Variants in EDIL3 observed in about 807,000 individuals in gnomAD.
EDIL3 encodes the protein EGF like and discoidin domains 3, also known as EGF-like repeat and discoidin I-like domain-containing protein 3.
In EDIL3, 37 loss-of-function variants were observed where a neutral mutation model predicts 67.4. The observed-to-expected ratio is 0.55, with a 90% CI of 0.42 to 0.72. EDIL3 has a LOEUF of 0.72. Among genes scored for constraint, EDIL3 ranks in the 30% least tolerant of loss-of-function variants. The probability of loss-of-function intolerance (pLI) is 0.00; values close to 1 mark genes in which losing one functional copy is unlikely to be tolerated. For synonymous variants in EDIL3, 195 were observed against 196.3 expected (o/e 0.99, Z 0.05); for missense variants, 527 against 586.3 (o/e 0.90, Z 1.04).
At chr5:84,103,032 A>G (rs1747396313) in intron 6 of EDIL3, among the ~76,000 whole-genome samples, 1 of 152,114 alleles carries the variant, frequency 6.6e-6, no homozygotes, top group Non-Finnish European at 1.5e-5. Context: ...ATATATTCCA[A>G]TGGAACAGAA....
At chr5:84,049,666 A>G (rs567357372) in intron 9 of EDIL3, among the ~76,000 whole-genome samples, 103 of 152,280 alleles carry the variant, frequency 6.8e-4, no homozygotes, top group African/African-American at 2.3e-3. Context: ...AAAGTTAAAA[A>G]CTAAAATTTG....
intron 9 of EDIL3, among the ~76,000 whole-genome samples, chr5:84,000,812 G>T (rs1038204330): frequency 4.8e-4 from 73 of 151,734 alleles, no homozygotes; most frequent in African/African-American, 1.5e-3. Context: ...TTAATAATAA[G>T]ATGTACTTTG....
intron 4 of EDIL3, among the ~76,000 whole-genome samples, chr5:84,169,204 C>G (rs1748766305): frequency 6.6e-6 from 1 of 151,920 alleles, no homozygotes; most frequent in Non-Finnish European, 1.5e-5. Flanking sequence ...CATTGTGGTG[C>G]TGTTATTTCT....
At chr5:84,062,155 C>T (rs1158250616) in intron 8 of EDIL3, among the ~76,000 whole-genome samples, 2 of 151,868 alleles carry the variant, frequency 1.3e-5, no homozygotes, top group East Asian at 3.9e-4. Context: ...GTAATGCCTA[C>T]CTGTATATTC....
intron 4 of EDIL3, among the ~76,000 whole-genome samples, chr5:84,157,463 G>C (rs1442774983): frequency 6.6e-6 from 1 of 151,970 alleles, no homozygotes; most frequent in South Asian, 2.1e-4. Context: ...TGGTGTAATT[G>C]AAAAATTTAC....
chr5:84,286,691 T>C (rs1410543205), intron 1 of EDIL3, among the ~76,000 whole-genome samples: 1 of 152,210 alleles, frequency 6.6e-6, no homozygotes, highest in African/African-American at 2.4e-5. Context: ...ATAGAATAAA[T>C]AGAATAATGC....
intron 9 of EDIL3, among the ~76,000 whole-genome samples, chr5:84,015,073 T>C (rs1026633144): frequency 1.3e-5 from 2 of 152,220 alleles, no homozygotes; most frequent in African/African-American, 4.8e-5. Flanking sequence ...CCACAAATAC[T>C]CCAGGACACT....
intron 1 of EDIL3, among the ~76,000 whole-genome samples, chr5:84,381,346 A>G (rs1029610192): frequency 1.3e-4 from 20 of 152,084 alleles, no homozygotes; most frequent in Non-Finnish European, 2.6e-4. Flanking sequence ...TTAATTTGAT[A>G]TTTCAGAATT....
In EDIL3 at chr5:84,363,391, A is replaced by G. The variant is rs548594256; in HGVS notation, c.67+20917T>C. 1.3e-4 allele frequency among the ~76,000 whole-genome samples: 20 copies of G among 151,424 alleles called. No homozygotes were observed. In the South Asian group the frequency reaches 4.2e-3, roughly 32 times the overall value. On this transcript the variant is annotated intron_variant, in intron 1 of 10. Transcript: ENST00000296591. ...CTTGAACTCGGGAAGTGGAGGTTGC[A>G]GTGAGCCGAGATCGCGCCACTGCAC...
At chr5:84,095,093 T>A (rs942405304) in intron 6 of EDIL3, among the ~76,000 whole-genome samples, 2 of 152,200 alleles carry the variant, frequency 1.3e-5, no homozygotes, top group Admixed American at 6.5e-5. Flanking sequence ...AAAGTGTTTT[T>A]TATTTTATTT....
chr5:84,116,708 A>C (rs1049918190), intron 5 of EDIL3, among the ~76,000 whole-genome samples: 3 of 152,242 alleles, frequency 2.0e-5, no homozygotes, highest in African/African-American at 7.2e-5. Flanking sequence ...TCCTGAAAGG[A>C]ATAATTCAAC....
At position 84,060,399 on chromosome 5, in the gene EDIL3, C is replaced by T. The variant is rs1349653727; in HGVS notation, c.1038G>A (p.Met346Ile). The T allele has an allele frequency of 6.2e-7, 1 of 1,613,746 alleles. No individual in the cohort carries two copies. Among genetic ancestry groups the T allele is most frequent in the Non-Finnish European group, 8.5e-7 (1 of 1,179,836 alleles). The part of the protein sequence containing the change: ...TASSIFRTLN[M>I]DMFTWEPRKA... The stretch of plus-strand genomic sequence containing the variant: ...TCCTTGGTTCCCAAGTGAACATGTC[C>T]ATGTTGAGCGTTCTGAAGATGCTGG... The change falls in exon 9 of 11, where the codon ATG (methionine) becomes ATA (isoleucine). Residue 346 changes from methionine to isoleucine, a missense_variant. By Grantham distance (10) the Met-to-Ile change is conservative. Coordinates refer to ENST00000296591, the MANE Select transcript of EDIL3 (RefSeq NM_005711.5).
At chr5:84,072,580 C>T (rs577891638) in intron 6 of EDIL3, among the ~76,000 whole-genome samples, 3 of 152,236 alleles carry the variant, frequency 2.0e-5, no homozygotes, top group African/African-American at 7.2e-5. Flanking sequence ...GTAACAATGA[C>T]AAACACACAT....
intron 4 of EDIL3, among the ~76,000 whole-genome samples, chr5:84,160,754 CCTTTCCTTTCCT>C (rs1748591037): frequency 2.3e-4 from 5 of 21,340 alleles, no homozygotes; most frequent in African/African-American, 6.4e-4. Flanking sequence ...TCTTTCCTTT[CCTTTCCTTTCCT>C]TTCCTTTCCT....
At chr5:84,100,071 AAAC>A (rs1339814530) in intron 6 of EDIL3, among the ~76,000 whole-genome samples, 2 of 152,150 alleles carry the variant, frequency 1.3e-5, no homozygotes, top group Non-Finnish European at 2.9e-5. Context: ...AAAAGTCAGG[AAAC>A]AACAGATGCT....
At chr5:84,240,769 C>T (rs7707528) in intron 2 of EDIL3, among the ~76,000 whole-genome samples, 117,777 of 152,020 alleles carry the variant, frequency 0.77, 45,727 homozygotes, top group East Asian at 0.95. Context: ...TCCACATTAC[C>T]TTCCTGGTCT....
intron 1 of EDIL3, among the ~76,000 whole-genome samples, 157 bp downstream of exon 1, chr5:84,384,151 T>C (rs983163700): frequency 1.1e-4 from 16 of 151,948 alleles, no homozygotes; most frequent in African/African-American, 3.9e-4. Flanking sequence ...TACAAGCACT[T>C]TCTCGGGGCA....
At chr5:84,089,807 G>T (rs747833361) in intron 6 of EDIL3, among the ~76,000 whole-genome samples, 5 of 152,092 alleles carry the variant, frequency 3.3e-5, no homozygotes, top group Non-Finnish European at 7.4e-5. Flanking sequence ...GATGTCCGTT[G>T]AGCTTTCTCC....
Position 84,357,039 on chromosome 5 carries a change from C to T in EDIL3, c.67+27269G>A, listed in dbSNP as rs542208067. 1.6e-3 allele frequency among the ~76,000 whole-genome samples: 235 copies of T among 151,552 alleles called. 3 individuals carry two copies. Among genetic ancestry groups the T allele is most frequent in the East Asian group, 7.8e-4 (4 of 5,140 alleles). ...TCCCAGGTTCAAGTGATTCTCCTGC[C>T]TCAGCCTCCTGAGTAGCTGGGATTA... On this transcript the variant is annotated intron_variant, in intron 1 of 10. Coordinates refer to ENST00000296591, the MANE Select transcript of EDIL3 (RefSeq NM_005711.5).
Sources: allele counts gnomAD v4.1 joint callset (sites outside exome capture counted in the v4.1 genomes callset), GRCh38; gene constraint gnomAD v4.1.1; transcripts MANE v1.5; gene names NCBI Gene and HGNC (gene_info 2026-07-23, HGNC 2026-07-21).